STAG3: variants seen among roughly 807,000 people sequenced by gnomAD.
STAG3 encodes the protein STAG3 cohesin complex component, also known as cohesin subunit SA-3.
A neutral mutation model predicts 160.7 loss-of-function variants in STAG3; 101 were observed. That is an observed-to-expected ratio of 0.63 (90% CI 0.54 to 0.74). The LOEUF (loss-of-function observed/expected upper bound fraction) is 0.74, where lower values mean the gene tolerates loss of function less well. Among genes scored for constraint, STAG3 ranks in the 30% least tolerant of loss-of-function variants. The pLI, the probability that STAG3 is intolerant of heterozygous loss-of-function variation, is 0.00. For synonymous variants in STAG3, 519 were observed against 585.0 expected, an observed-to-expected ratio of 0.89 and a Z score of 1.63; for missense variants, 1,188 against 1,517.4, an observed-to-expected ratio of 0.78 and a Z score of 3.61.
intron 8 of STAG3, among the ~76,000 whole-genome samples, chr7:100,191,787 A>AT (rs1800359487): frequency 6.6e-6 from 1 of 152,216 alleles, no homozygotes; most frequent in Non-Finnish European, 1.5e-5. Context: ...TTTACAAAAA[A>AT]TTTCTCTGTA....
In STAG3 at chr7:100,207,770, T is replaced by C. The variant is rs546655969; in HGVS notation, c.3238+2386T>C. Among the ~76,000 whole-genome samples the C allele has an allele frequency of 6.6e-6, 1 of 152,198 alleles. No individual in the cohort carries two copies. The highest frequency in any genetic ancestry group is 1.5e-5 in the Non-Finnish European group (1 of 68,042). ...GCTTTTGGTGCCATATCTTGAGAAA[T>C]TGTTGGCTAATTCATGAGGTCACAA... is the stretch of plus-strand genomic sequence containing the variant. On this transcript the variant is annotated intron_variant, in intron 29 of 33. Coordinates refer to ENST00000615138, the MANE Select transcript of STAG3 (RefSeq NM_001282717.2). The surrounding 1 kb of genome is among the most constrained non-coding windows in gnomAD (Gnocchi z 4.0).
At position 100,214,007 on chromosome 7, in the gene STAG3, G is replaced by A; in HGVS notation, c.3673G>A (p.Asp1225Asn). ...ATTCCTTTCATCTTTCTCATTATAGGATTTCTGACAGGACTCTGGGCCCCT... is the reference window on the plus strand; with the variant it reads ...ATTCCTTTCATCTTTCTCATTATAGAATTTCTGACAGGACTCTGGGCCCCT... ...LLDSTELDIE[D>N]F Residue 1225 changes from aspartate to asparagine, a missense_variant and splice_region_variant, in exon 34 of 34, where the codon GAT (aspartate) becomes AAT (asparagine). By Grantham distance (23) the Asp-to-Asn change is conservative. Coordinates refer to ENST00000615138, the MANE Select transcript of STAG3 (RefSeq NM_001282717.2). 1 of 1,614,132 alleles carries A rather than the reference G, an allele frequency of 6.2e-7. No homozygotes were observed. The highest frequency in any genetic ancestry group is 8.5e-7 in the Non-Finnish European group (1 of 1,180,022).
intron 4 of STAG3, among the ~76,000 whole-genome samples, 193 bp downstream of exon 4, chr7:100,183,032 T>TTC (rs756152551): frequency 6.6e-6 from 1 of 151,690 alleles, no homozygotes; most frequent in Non-Finnish European, 1.5e-5. Context: ...TTTTTTTTTT[T>TTC]AGACAGAGTC....
At chr7:100,187,661 GC>G (rs1254885214) in intron 5 of STAG3, among the ~76,000 whole-genome samples, 1 of 152,156 alleles carries the variant, frequency 6.6e-6, no homozygotes, top group Non-Finnish European at 1.5e-5. Flanking sequence ...GGCAGTGTAG[GC>G]AAGTCGGCTT....
At chr7:100,188,704 A>C in intron 6 of STAG3, 108 bp from the exon 7 acceptor site, 1 of 1,214,386 alleles carries the variant, frequency 8.2e-7, no homozygotes, top group Non-Finnish European at 1.2e-6. Flanking sequence ...CCAGGAAATG[A>C]GGTATAACAG....
Position 100,211,066 on chromosome 7 carries a change from G to T in STAG3, c.3294G>T (p.Gln1098His), listed in dbSNP as rs147584531. 1,264 of 1,614,042 alleles carry T rather than the reference G, an allele frequency of 7.8e-4. 3 individuals carry two copies. The highest frequency in any genetic ancestry group is 1.0e-3 in the Non-Finnish European group (1,219 of 1,179,988). ...CCTCGTCCCAGGAAGAAAGTCTGCA[G>T]CTGAACAGCATCCCGCCCACGCCCA... is the stretch of plus-strand genomic sequence containing the variant. Reference protein sequence around the residue: ...DVSSSQEESLQLNSIPPTPTL... With the variant: ...DVSSSQEESLHLNSIPPTPTL... Residue 1098 changes from glutamine (Q) to histidine (H), a missense_variant, in exon 30 of 34, where the codon CAG becomes CAT. By Grantham distance (24) the Gln-to-His change is conservative (BLOSUM62 0). Around this residue, in one of 4 missense-constraint regions of STAG3, gnomAD observed 647 missense variants for 717.2 expected, o/e 0.90. Transcript: ENST00000615138.
chr7:100,205,730 T>G (rs1447384080), intron 29 of STAG3, among the ~76,000 whole-genome samples: 2 of 151,280 alleles, frequency 1.3e-5, no homozygotes, highest in Non-Finnish European at 2.9e-5. Flanking sequence ...CTCAGGAGGC[T>G]GAGGCAGGAG....
At chr7:100,208,600 G>C (rs750053678) in intron 29 of STAG3, among the ~76,000 whole-genome samples, 9 of 152,170 alleles carry the variant, frequency 5.9e-5, no homozygotes, top group Non-Finnish European at 1.2e-4. Context: ...AAGCATAGAA[G>C]GCTGTGTGCT....
At position 100,214,244 on chromosome 7, in the gene STAG3, T is replaced by G; in HGVS notation, c.*229T>G. 1 of 586,540 alleles carries G rather than the reference T, an allele frequency of 1.7e-6. No individual in the cohort carries two copies. The highest frequency in any genetic ancestry group is 3.0e-6 in the Non-Finnish European group (1 of 332,440). The allele number at this position is 586,540 out of a possible 1,614,324, so 36.3% of individuals were successfully genotyped here. A position where few individuals can be genotyped will look rare whatever the true frequency, so the allele number is the denominator to read the frequency against. On this transcript the variant is annotated 3_prime_UTR_variant, in exon 34 of 34. Coordinates refer to ENST00000615138, the MANE Select transcript of STAG3 (RefSeq NM_001282717.2). ...CTGTGGCCCAGTCCCCTTGCCTTTT[T>G]CCTGTTCTGTTTGGAGTGGAGAAGG...
downstream of STAG3, chr7:100,218,999 A>T (rs3958529): frequency 6.4e-6 from 1 of 155,622 alleles, no homozygotes; most frequent in South Asian, 1.9e-4. Flanking sequence ...AGATAAACCC[A>T]GGGCGTTTAG....
At chr7:100,212,225 C>T in intron 32 of STAG3, 1 of 196,974 alleles carries the variant, frequency 5.1e-6, no homozygotes, top group Non-Finnish European at 1.1e-5. Context: ...CAGTGTCTCT[C>T]CCCACAAAAC....
intron 4 of STAG3, among the ~76,000 whole-genome samples, chr7:100,183,212 C>T (rs910131163): frequency 2.0e-4 from 31 of 152,152 alleles, no homozygotes; most frequent in Non-Finnish European, 3.1e-4. Context: ...TGGGGTTTCG[C>T]CATGTTGGCC....
At chr7:100,211,620 C>G in intron 31 of STAG3, 81 bp downstream of exon 31, 2 of 1,511,562 alleles carry the variant, frequency 1.3e-6, no homozygotes, top group Non-Finnish European at 1.8e-6. Flanking sequence ...CCCATTGCCT[C>G]TCTGTGGGTG....
chr7:100,200,914 A>G lies in STAG3; in HGVS notation c.2006A>G (p.Gln669Arg), dbSNP rs1415767241. ...FFSRADFARSQLVDLLTDRFQ... is the reference protein window; with the variant it reads ...FFSRADFARSRLVDLLTDRFQ... ...AGCCGGGCGGACTTTGCCCGCAGCCAGCTAGTAGATTTGCTGACTGACCGC... is the reference window on the plus strand; with the variant it reads ...AGCCGGGCGGACTTTGCCCGCAGCCGGCTAGTAGATTTGCTGACTGACCGC... The change falls in exon 19 of 34, where the codon CAG becomes CGG. Residue 669 changes from glutamine to arginine, a missense_variant. Gln to Arg is a conservative substitution (Grantham distance 43). This residue lies in a region of STAG3 where 647 missense variants were observed against 717.2 expected (regional missense o/e 0.90). Transcript: ENST00000615138. 6.2e-7 allele frequency: 1 copy of G among 1,614,098 alleles called. No homozygotes were observed. The highest frequency in any genetic ancestry group is 1.3e-5 in the African/African-American group (1 of 74,928).
chr7:100,218,534 G>T, downstream of STAG3: 1 of 300,070 alleles, frequency 3.3e-6, no homozygotes. Context: ...TTTTTAACTT[G>T]CACTGTGGCC....
At chr7:100,199,209 G>T in intron 14 of STAG3, 53 bp from the exon 15 acceptor site, 1 of 1,221,436 alleles carries the variant, frequency 8.2e-7, no homozygotes, top group Non-Finnish European at 1.2e-6. Flanking sequence ...TAACCACTTC[G>T]TAGGGTATTT....
At chr7:100,200,720 G>A (rs1801055650) in intron 18 of STAG3, 49 bp from the exon 19 acceptor site, 2 of 1,599,784 alleles carry the variant, frequency 1.3e-6, no homozygotes, top group South Asian at 2.2e-5. Context: ...CCAGAAGAGT[G>A]TCCTCCTCCC....
At chr7:100,203,999 C>G (rs563737305) in intron 25 of STAG3, 22 bp from the exon 26 acceptor site, 2 of 1,541,212 alleles carry the variant, frequency 1.3e-6, no homozygotes, top group African/African-American at 2.7e-5. Flanking sequence ...CAGACATTAC[C>G]TTCCCCACTC....
chr7:100,183,586 C>T (rs1348818305), intron 4 of STAG3, among the ~76,000 whole-genome samples: 1 of 152,206 alleles, frequency 6.6e-6, no homozygotes, highest in African/African-American at 2.4e-5. Flanking sequence ...GAAATGATTA[C>T]TCAGATCTCT....
Sources: allele counts gnomAD v4.1 joint callset (sites outside exome capture counted in the v4.1 genomes callset), GRCh38; gene constraint gnomAD v4.1.1; regional missense constraint gnomAD v4.1.1; non-coding constraint Gnocchi (gnomAD v3.1); transcripts MANE v1.5; gene names NCBI Gene and HGNC (gene_info 2026-07-23, HGNC 2026-07-21).